The following TMOD3 variants were observed in gnomAD, a reference collection of about 807,000 sequenced individuals.
TMOD3 encodes tropomodulin 3, also known as tropomodulin-3.
A neutral mutation model predicts 39.2 loss-of-function variants in TMOD3; 20 were observed. The ratio of observed to expected loss-of-function variants is 0.51; its 90% confidence interval spans 0.36 to 0.74. The LOEUF is 0.74. Ranked by LOEUF, TMOD3 falls within the 30% of genes least tolerant of loss-of-function variation. The pLI is 0.00. For synonymous variants in TMOD3, 143 were observed against 145.8 expected (o/e 0.98, Z 0.14); for missense variants, 381 against 412.8 (o/e 0.92, Z 0.67).
rs1317337148 is a variant in TMOD3, at chr15:51,912,197, G to GT, written c.*3388dup. On this transcript the variant is annotated 3_prime_UTR_variant, in exon 10 of 10. Transcript: ENST00000308580. The stretch of plus-strand genomic sequence containing the variant: ...AATCCTAGCACTTTGGGAGGCCGAG[G>GT]TGGGCGGATCACCTGAGGTCAGGAG... 2.0e-5 allele frequency: 3 copies of GT among 152,158 alleles called. No individual in the cohort carries two copies. The highest frequency in any genetic ancestry group is 7.2e-5 in the African/African-American group (3 of 41,438). 9.4% of individuals were successfully genotyped at this position (152,158 alleles called of 1,614,324 possible). A position where few individuals can be genotyped will look rare whatever the true frequency, so the allele number is the denominator to read the frequency against.
intron 1 of TMOD3, among the ~76,000 whole-genome samples, chr15:51,856,369 T>C (rs1434409290): frequency 6.6e-6 from 1 of 152,012 alleles, no homozygotes; most frequent in East Asian, 1.9e-4. Context: ...ACTTTGAACT[T>C]TGGTGTATTA....
chr15:51,859,405 T>G (rs2056405000), intron 1 of TMOD3: 1 of 681,222 alleles, frequency 1.5e-6, no homozygotes, highest in Admixed American at 1.8e-5. Context: ...GTTCACCATC[T>G]TGCAGGATTC....
intron 1 of TMOD3, among the ~76,000 whole-genome samples, chr15:51,854,825 C>T (rs117848355): frequency 0.024 from 3,699 of 152,128 alleles, 76 homozygotes; most frequent in Non-Finnish European, 0.037. Flanking sequence ...TAGAATATGG[C>T]TATTAATTTT....
chr15:51,877,931 A>G (rs2056513293), intron 3 of TMOD3, among the ~76,000 whole-genome samples: 1 of 151,924 alleles, frequency 6.6e-6, no homozygotes, highest in African/African-American at 2.4e-5. Flanking sequence ...TTCCTCACAT[A>G]CATGTACCAG....
chr15:51,902,657 T>G (rs1213107926), intron 9 of TMOD3, among the ~76,000 whole-genome samples: 32 of 128,636 alleles, frequency 2.5e-4, no homozygotes, highest in African/African-American at 5.5e-4. Context: ...TTTTTTTTTT[T>G]TTTTTTTTTT....
intron 1 of TMOD3, chr15:51,860,870 A>G (rs1044804088): frequency 2.4e-5 from 9 of 379,218 alleles, no homozygotes; most frequent in Admixed American, 1.0e-4. Context: ...CAGGAGGCAG[A>G]GGTTGCAGTG....
At chr15:51,885,953 G>C (rs1042377497) in intron 3 of TMOD3, among the ~76,000 whole-genome samples, 2 of 150,390 alleles carry the variant, frequency 1.3e-5, no homozygotes, top group Non-Finnish European at 3.0e-5. Flanking sequence ...GTGGCTGGCC[G>C]GGCAGGGGCT....
intron 7 of TMOD3, among the ~76,000 whole-genome samples, chr15:51,897,482 A>AATT (rs1555388300): frequency 2.7e-5 from 3 of 113,050 alleles, no homozygotes; most frequent in Admixed American, 1.0e-4. Context: ...AAAAAAAAAA[A>AATT]TTTTTTTTTT....
At chr15:51,890,138 C>T (rs1406671374) in intron 5 of TMOD3, among the ~76,000 whole-genome samples, 1 of 150,532 alleles carries the variant, frequency 6.6e-6, no homozygotes, top group Non-Finnish European at 1.5e-5. Context: ...TTTATTGCAA[C>T]TTAATTTTTC....
Position 51,909,076 on chromosome 15 carries a change from G to C in TMOD3, c.*266G>C. The C allele has an allele frequency of 3.2e-6, 1 of 311,566 alleles. No individual in the cohort carries two copies. Among genetic ancestry groups the C allele is most frequent in the Non-Finnish European group, 5.8e-6 (1 of 171,504 alleles). 19.3% of individuals were successfully genotyped at this position (311,566 alleles called of 1,614,324 possible). ...GAATCTTGGGCAAAAAAATACAACT[G>C]TAAAAAATTTCACAGGTCATTTGTG... On this transcript the variant is annotated 3_prime_UTR_variant, in exon 10 of 10. Coordinates refer to ENST00000308580, the MANE Select transcript of TMOD3 (RefSeq NM_014547.5).
intron 1 of TMOD3, chr15:51,859,228 C>T: frequency 1.3e-6 from 1 of 741,312 alleles, no homozygotes; most frequent in East Asian, 2.7e-5. Context: ...GCTACAGATG[C>T]CTCTGCTGAC....
chr15:51,905,947 T>C (rs1481471719), intron 9 of TMOD3, among the ~76,000 whole-genome samples: 1 of 55,346 alleles, frequency 1.8e-5, no homozygotes, highest in East Asian at 8.2e-4. Context: ...CGAGACTCCG[T>C]CTCAAAAAAA....
chr15:51,897,773 A>G (rs1392463015), intron 7 of TMOD3, among the ~76,000 whole-genome samples: 3 of 119,444 alleles, frequency 2.5e-5, no homozygotes, highest in Non-Finnish European at 4.9e-5. Context: ...GTGAGCCACC[A>G]CGCCCAGCAA....
chr15:51,859,310 C>T, intron 1 of TMOD3: 1 of 728,460 alleles, frequency 1.4e-6, no homozygotes, highest in Non-Finnish European at 2.6e-6. Flanking sequence ...GGGGGTGGTT[C>T]AATGGTTCCT....
In TMOD3 at chr15:51,915,693, C is replaced by T. The variant is rs538023362; in HGVS notation, c.*6883C>T. ...CTTACCAATATATACTGGGATAAATCGTTTCAATAAAGTTTATCAAATATT... is the reference window on the plus strand; with the variant it reads ...CTTACCAATATATACTGGGATAAATTGTTTCAATAAAGTTTATCAAATATT... On this transcript the variant is annotated 3_prime_UTR_variant, in exon 10 of 10. Transcript: ENST00000308580. 1 of 152,254 alleles carries T rather than the reference C, an allele frequency of 6.6e-6. No individual in the cohort carries two copies. Among genetic ancestry groups the T allele is most frequent in the South Asian group, 2.1e-4 (1 of 4,828 alleles). 9.4% of individuals were successfully genotyped at this position (152,254 alleles called of 1,614,324 possible). A position where few individuals can be genotyped will look rare whatever the true frequency, so the allele number is the denominator to read the frequency against.
chr15:51,888,186 A>G (rs185706336), intron 4 of TMOD3, among the ~76,000 whole-genome samples: 88 of 152,322 alleles, frequency 5.8e-4, no homozygotes, highest in Non-Finnish European at 9.7e-4. Context: ...AAACGTCTCT[A>G]TTATTTTCAT....
intron 3 of TMOD3, among the ~76,000 whole-genome samples, chr15:51,871,505 A>G (rs896633025): frequency 6.6e-5 from 10 of 152,208 alleles, no homozygotes; most frequent in African/African-American, 2.4e-4. Context: ...TGTCAGAAAA[A>G]AACTATGGAA....
chr15:51,913,006 C>T lies in TMOD3; in HGVS notation c.*4196C>T, dbSNP rs1453227188. 6.6e-6 allele frequency: 1 copy of T among 152,190 alleles called. No individual in the cohort carries two copies. Among genetic ancestry groups the T allele is most frequent in the Non-Finnish European group, 1.5e-5 (1 of 68,036 alleles). The allele number at this position is 152,190 out of a possible 1,614,324, so 9.4% of individuals were successfully genotyped here. A position where few individuals can be genotyped will look rare whatever the true frequency, so the allele number is the denominator to read the frequency against. On this transcript the variant is annotated 3_prime_UTR_variant, in exon 10 of 10. Transcript: ENST00000308580. Reference sequence around the variant, plus strand: ...TATTCTTTTTTGAGACCAAGTCTCACTCTGTCATCCAGGCTGGAGTGCAGT... The same window carrying T: ...TATTCTTTTTTGAGACCAAGTCTCATTCTGTCATCCAGGCTGGAGTGCAGT...
chr15:51,897,277 A>T (rs1235013455), intron 7 of TMOD3, among the ~76,000 whole-genome samples: 1 of 151,832 alleles, frequency 6.6e-6, no homozygotes, highest in Admixed American at 6.6e-5. Context: ...TCCCAGTGTT[A>T]TTATCTACAG....
Sources: gnomAD v4.1 joint callset for allele counts (sites outside exome capture counted in the v4.1 genomes callset) on GRCh38, gnomAD v4.1.1 for gene constraint, MANE v1.5 for transcripts, NCBI Gene and HGNC (gene_info 2026-07-23, HGNC 2026-07-21) for gene names.